The following DEFB131A variants were observed in gnomAD, a reference collection of about 807,000 sequenced individuals.
The protein encoded by DEFB131A is defensin beta 131A, also known as beta-defensin 131A.
In DEFB131A, 5 loss-of-function variants were observed where a neutral mutation model predicts 2.4. That is an observed-to-expected ratio of 2.12 (90% confidence interval 1.11 to 4.47). DEFB131A has a LOEUF of 4.47. Ranked by LOEUF, DEFB131A falls within the 30% of genes most tolerant of loss-of-function variation. The pLI, the probability that DEFB131A is intolerant of heterozygous loss-of-function variation, is 0.00. For missense variants in DEFB131A, 120 were observed against 79.9 expected (o/e 1.50, Z -1.91); for synonymous variants, 34 against 25.7 (o/e 1.32, Z -0.97).
At position 9,450,454 on chromosome 4, in the gene DEFB131A, T is replaced by A. The variant is rs1717629189; in HGVS notation, c.153T>A (p.Ala51=). The change falls in exon 2 of 2, where the codon GCT becomes GCA. Residue 51 remains alanine, a synonymous_variant. Transcript: ENST00000334879. The part of the protein sequence containing the change: ...NADEHAIRYC[A]DFSICCKLKI... ...ATGAACATGCAATTAGATACTGTGC[T>A]GACTTCAGCATCTGCTGCAAACTGA... 6.2e-7 allele frequency: 1 copy of A among 1,611,122 alleles called. No homozygotes were observed. The highest frequency in any genetic ancestry group is 8.5e-7 in the Non-Finnish European group (1 of 1,179,422).
chr4:9,448,555 C>G (rs1560128963), intron 1 of DEFB131A, among the ~76,000 whole-genome samples: 1 of 152,128 alleles, frequency 6.6e-6, no homozygotes, highest in South Asian at 2.1e-4. Flanking sequence ...AACTCCTGAC[C>G]TCAGGTGATC....
intron 1 of DEFB131A, 76 bp downstream of exon 1, chr4:9,444,667 A>C: frequency 6.7e-7 from 1 of 1,485,934 alleles, no homozygotes; most frequent in Non-Finnish European, 9.2e-7. Flanking sequence ...CAAGAGTCTG[A>C]AAATAAAATA....
At chr4:9,450,229 A>T (rs1033311902) in intron 1 of DEFB131A, 131 bp from the exon 2 acceptor site, 4 of 1,110,696 alleles carry the variant, frequency 3.6e-6, no homozygotes, top group African/African-American at 1.6e-5. Flanking sequence ...TTTCTCTTGC[A>T]TTTTTTGCTG....
At chr4:9,444,903 C>T (rs1303085811) in intron 1 of DEFB131A, among the ~76,000 whole-genome samples, 1 of 61,384 alleles carries the variant, frequency 1.6e-5, no homozygotes, top group Non-Finnish European at 4.4e-5. Context: ...GAAACCCCAT[C>T]TCTCCAAAAA....
intron 1 of DEFB131A, among the ~76,000 whole-genome samples, chr4:9,447,041 G>A (rs1433465888): frequency 6.6e-6 from 1 of 152,060 alleles, no homozygotes; most frequent in African/African-American, 2.4e-5. Context: ...TATGTGATGA[G>A]GAGAAGAATG....
chr4:9,449,532 AC>A (rs1403731632), intron 1 of DEFB131A, among the ~76,000 whole-genome samples: 1 of 151,340 alleles, frequency 6.6e-6, no homozygotes, highest in Non-Finnish European at 1.5e-5. Flanking sequence ...TACACTACAC[AC>A]AAAAAGCAAC....
chr4:9,444,417 G>T lies in DEFB131A; in HGVS notation c.-117G>T, dbSNP rs187210773. On this transcript the variant is annotated 5_prime_UTR_variant, in exon 1 of 2. Coordinates refer to ENST00000334879, the MANE Select transcript of DEFB131A (RefSeq NM_001040448.3). The stretch of plus-strand genomic sequence containing the variant: ...CTCCTTGAAACACAGAAATGTTCTT[G>T]CTCCTGAAAGGTTCAATAATCACTC... The T allele has an allele frequency of 6.5e-6, 7 of 1,081,166 alleles. No homozygotes were observed. The African/African-American group carries it at 7.7e-5, about 12-fold the overall frequency. 67.0% of individuals were successfully genotyped at this position (1,081,166 alleles called of 1,614,324 possible). A position where few individuals can be genotyped will look rare whatever the true frequency, so the allele number is the denominator to read the frequency against.
intron 1 of DEFB131A, among the ~76,000 whole-genome samples, chr4:9,445,777 C>T (rs1488141450): frequency 6.6e-6 from 1 of 152,064 alleles, no homozygotes; most frequent in African/African-American, 2.4e-5. Flanking sequence ...TTGTGCACCC[C>T]TCACCATTAT....
At position 9,444,449 on chromosome 4, in the gene DEFB131A, T is replaced by G; in HGVS notation, c.-85T>G. 1 of 1,489,920 alleles carries G rather than the reference T, an allele frequency of 6.7e-7. No homozygotes were observed. The highest frequency in any genetic ancestry group is 9.2e-7 in the Non-Finnish European group (1 of 1,086,072). 92.3% of individuals were successfully genotyped at this position (1,489,920 alleles called of 1,614,324 possible). On this transcript the variant is annotated 5_prime_UTR_variant, in exon 1 of 2. Transcript: ENST00000334879. ...AAAGGTTCAATAATCACTCAACAACTCACCTCTTCAGAGAACTGAATGTAC... is the reference window on the plus strand; with the variant it reads ...AAAGGTTCAATAATCACTCAACAACGCACCTCTTCAGAGAACTGAATGTAC...
At chr4:9,445,121 T>C (rs1717462178) in intron 1 of DEFB131A, among the ~76,000 whole-genome samples, 1 of 151,990 alleles carries the variant, frequency 6.6e-6, no homozygotes, top group South Asian at 2.1e-4. Flanking sequence ...TTGAGAGTTA[T>C]GTTTGATCAA....
chr4:9,448,181 A>G (rs1394884029), intron 1 of DEFB131A, among the ~76,000 whole-genome samples: 12 of 151,814 alleles, frequency 7.9e-5, no homozygotes, highest in Admixed American at 7.9e-4. Flanking sequence ...AAAAAAAAAA[A>G]AATCTTAAAA....
intron 1 of DEFB131A, among the ~76,000 whole-genome samples, chr4:9,446,107 T>G (rs539173512): frequency 1.3e-5 from 2 of 152,068 alleles, no homozygotes; most frequent in African/African-American, 2.4e-5. Flanking sequence ...TCTATCTCAA[T>G]AAAAATATAA....
In DEFB131A at chr4:9,446,116, A is replaced by T. The variant is rs572952818; in HGVS notation, c.58+1525A>T. 5.6e-4 allele frequency among the ~76,000 whole-genome samples: 85 copies of T among 152,260 alleles called. 3 individuals carry two copies. The South Asian group carries it at 0.017, about 31-fold the overall frequency. On this transcript the variant is annotated intron_variant, in intron 1 of 1. Coordinates refer to ENST00000334879, the MANE Select transcript of DEFB131A (RefSeq NM_001040448.3). ...GTAAATTCTATCTCAATAAAAATAT[A>T]AAACACCAACATTCATGGAGGAAAA...
chr4:9,447,960 A>G (rs374051393), intron 1 of DEFB131A, among the ~76,000 whole-genome samples: 3 of 152,032 alleles, frequency 2.0e-5, no homozygotes, highest in African/African-American at 2.4e-5. Context: ...TAGGCCAATT[A>G]CAAAAGGAAC....
At chr4:9,444,908 C>CAAAA (rs60893274) in intron 1 of DEFB131A, among the ~76,000 whole-genome samples, 3 of 136,690 alleles carry the variant, frequency 2.2e-5, no homozygotes, top group Non-Finnish European at 4.6e-5. Context: ...CCCATCTCTC[C>CAAAA]AAAAAAAAAA....
At chr4:9,444,622 C>G in intron 1 of DEFB131A, 31 bp downstream of exon 1, 1 of 1,595,684 alleles carries the variant, frequency 6.3e-7, no homozygotes, top group Non-Finnish European at 8.5e-7. Flanking sequence ...TTCCAAAGTT[C>G]TAAAAATATA....
At chr4:9,446,581 G>A (rs575251404) in intron 1 of DEFB131A, among the ~76,000 whole-genome samples, 242 of 151,868 alleles carry the variant, frequency 1.6e-3, no homozygotes, top group Middle Eastern at 3.4e-3. Flanking sequence ...TTTAAATCTT[G>A]AATTCACTTA....
intron 1 of DEFB131A, among the ~76,000 whole-genome samples, chr4:9,448,794 CT>C (rs1717572208): frequency 6.6e-6 from 1 of 152,136 alleles, no homozygotes; most frequent in African/African-American, 2.4e-5. Flanking sequence ...AAATGTGCCC[CT>C]TCTTGCCACA....
intron 1 of DEFB131A, among the ~76,000 whole-genome samples, chr4:9,449,840 G>A (rs949044149): frequency 1.3e-5 from 2 of 152,044 alleles, no homozygotes; most frequent in Non-Finnish European, 2.9e-5. Flanking sequence ...TCTCATTTAA[G>A]GATTCTTTTT....
Sources: gnomAD v4.1 joint callset for allele counts (sites outside exome capture counted in the v4.1 genomes callset) on GRCh38, gnomAD v4.1.1 for gene constraint, MANE v1.5 for transcripts, NCBI Gene and HGNC (gene_info 2026-07-23, HGNC 2026-07-21) for gene names.